The following SAMD12 variants were observed in gnomAD, a reference collection of about 807,000 sequenced individuals.
SAMD12 encodes the protein sterile alpha motif domain-containing protein 12.
Under a neutral mutation model 15.0 loss-of-function variants are expected in SAMD12, and 9 were observed. The observed-to-expected ratio is 0.60, with a 90% CI of 0.36 to 1.05. The LOEUF is 1.05. Among genes scored for constraint, SAMD12 ranks in the 50% least tolerant of loss-of-function variants. The pLI is 0.01. For synonymous variants in SAMD12, 86 were observed against 90.1 expected (o/e 0.96, Z 0.25); for missense variants, 230 against 234.2 (o/e 0.98, Z 0.12).
Position 118,189,946 on chromosome 8 carries a change from GAAAAAAAAAAAAA to G in SAMD12, c.*7751_*7763del, listed in dbSNP as rs895075538. 1.0e-4 allele frequency: 7 copies of G among 69,066 alleles called. No individual in the cohort carries two copies. The East Asian group carries it at 1.3e-3, about 13-fold the overall frequency. The allele number at this position is 69,066 out of a possible 1,614,324, so 4.3% of individuals were successfully genotyped here. A position where few individuals can be genotyped will look rare whatever the true frequency, so the allele number is the denominator to read the frequency against. On this transcript the variant is annotated 3_prime_UTR_variant, in exon 5 of 5. Transcript: ENST00000409003. ...GGGAGTTTTTCTAGGATGCACAGAG[GAAAAAAAAAAAAA>G]AAAAAAAAAAGAAAGAAAAACCCAA...
intron 4 of SAMD12, among the ~76,000 whole-genome samples, chr8:118,368,188 C>A (rs540859584): frequency 6.6e-6 from 1 of 152,000 alleles, no homozygotes; most frequent in Non-Finnish European, 1.5e-5. Flanking sequence ...TGAAATGTGT[C>A]GGGGGAAATC....
At chr8:118,575,701 G>A (rs1297837489) in intron 2 of SAMD12, among the ~76,000 whole-genome samples, 2 of 151,958 alleles carry the variant, frequency 1.3e-5, no homozygotes, top group Non-Finnish European at 2.9e-5. Flanking sequence ...ATTGTGGCAG[G>A]AAAAAACAAA....
chr8:118,151,356 T>G, the SAMD12 span, among the ~76,000 whole-genome samples: 3 of 152,216 alleles, frequency 2.0e-5, no homozygotes, highest in Non-Finnish European at 4.4e-5. Context: ...CATTACCTTT[T>G]CAAATGTTTT....
intron 3 of SAMD12, among the ~76,000 whole-genome samples, chr8:118,432,554 C>A (rs1185652841): frequency 2.0e-5 from 3 of 152,198 alleles, no homozygotes; most frequent in Admixed American, 2.0e-4. Flanking sequence ...CTTCAACATA[C>A]ACTTTCTTAT....
At chr8:118,219,798 G>C (rs547959454) in intron 4 of SAMD12, among the ~76,000 whole-genome samples, 1 of 152,318 alleles carries the variant, frequency 6.6e-6, no homozygotes, top group South Asian at 2.1e-4. Context: ...GACCAGTCCT[G>C]ACACCAGCTT....
chr8:118,389,164 T>C (rs2450210), intron 3 of SAMD12, among the ~76,000 whole-genome samples: 7,783 of 152,336 alleles, frequency 0.051, 307 homozygotes, highest in East Asian at 0.23. Flanking sequence ...AAGAATGATA[T>C]GAACCTATAG....
At chr8:118,426,566 T>C (rs1026689091) in intron 3 of SAMD12, among the ~76,000 whole-genome samples, 1 of 152,212 alleles carries the variant, frequency 6.6e-6, no homozygotes, top group Non-Finnish European at 1.5e-5. Flanking sequence ...GCTGCTCCCA[T>C]AGTAAGAATA....
chr8:118,542,105 T>C (rs553387523), intron 2 of SAMD12, among the ~76,000 whole-genome samples: 2 of 152,278 alleles, frequency 1.3e-5, no homozygotes, highest in African/African-American at 2.4e-5. Context: ...GGGCAGTCTA[T>C]TTTACTGCAT....
intron 3 of SAMD12, among the ~76,000 whole-genome samples, chr8:118,409,989 A>G (rs541257689): frequency 6.6e-6 from 1 of 152,062 alleles, no homozygotes; most frequent in East Asian, 2.0e-4. Context: ...AAGTACACGT[A>G]TATCTTTTTG....
At chr8:118,215,434 A>G (rs575024888) in intron 4 of SAMD12, among the ~76,000 whole-genome samples, 1 of 151,314 alleles carries the variant, frequency 6.6e-6, no homozygotes, top group Admixed American at 6.6e-5. Context: ...ATTTTATTAT[A>G]CATTGCAAGA....
At chr8:118,418,534 G>A (rs922515011) in intron 3 of SAMD12, among the ~76,000 whole-genome samples, 16 of 152,118 alleles carry the variant, frequency 1.1e-4, no homozygotes, top group African/African-American at 3.9e-4. Context: ...GTCTAACTCG[G>A]TGAAACCCCG....
At chr8:118,295,915 G>A (rs1450176473) in intron 4 of SAMD12, among the ~76,000 whole-genome samples, 1 of 152,102 alleles carries the variant, frequency 6.6e-6, no homozygotes, top group Admixed American at 6.6e-5. Flanking sequence ...AAAGCGCTGG[G>A]ATTACAGGCT....
downstream of SAMD12, among the ~76,000 whole-genome samples, chr8:118,187,600 A>G (rs17484618): frequency 0.024 from 3,728 of 152,290 alleles, 65 homozygotes; most frequent in Middle Eastern, 0.051. Context: ...CACAGACATC[A>G]CTGTCTTTGA....
At chr8:118,481,734 A>G (rs1330600077) in intron 2 of SAMD12, among the ~76,000 whole-genome samples, 11 of 137,344 alleles carry the variant, frequency 8.0e-5, no homozygotes, top group Non-Finnish European at 1.1e-4. Flanking sequence ...TGACTTACCT[A>G]AATGAAAAAA....
intron 2 of SAMD12, among the ~76,000 whole-genome samples, chr8:118,539,106 G>T (rs898723730): frequency 2.0e-5 from 3 of 152,132 alleles, no homozygotes; most frequent in African/African-American, 7.2e-5. Context: ...AGCACAAACG[G>T]CCTAAAAATG....
At chr8:118,218,964 T>C (rs1173995704) in intron 4 of SAMD12, among the ~76,000 whole-genome samples, 1 of 152,224 alleles carries the variant, frequency 6.6e-6, no homozygotes, top group Non-Finnish European at 1.5e-5. Flanking sequence ...TATAGTTCTC[T>C]GAAAAATTGG....
Position 118,398,174 on chromosome 8 carries a change from A to C in SAMD12, c.323-18474T>G, listed in dbSNP as rs576079140. On this transcript the variant is annotated intron_variant, in intron 3 of 3. Coordinates refer to ENST00000314727, the MANE Select transcript of SAMD12 (RefSeq NM_207506.3). ...ACCAGCACTTTGGGAGGCCGGGCAG[A>C]TCATTTGAGGTCAGCACTTCAAGAT... is the stretch of plus-strand genomic sequence containing the variant. 2.0e-5 allele frequency among the ~76,000 whole-genome samples: 3 copies of C among 152,162 alleles called. No homozygotes were observed. The South Asian group carries it at 6.2e-4, about 32-fold the overall frequency.
At chr8:118,327,519 G>C (rs1360381289) in intron 4 of SAMD12, among the ~76,000 whole-genome samples, 1 of 152,144 alleles carries the variant, frequency 6.6e-6, no homozygotes, top group Non-Finnish European at 1.5e-5. Context: ...CAGTCTCCCA[G>C]TATATGGAAG....
intron 2 of SAMD12, among the ~76,000 whole-genome samples, chr8:118,575,992 CT>C (rs567459009): frequency 0.018 from 2,625 of 147,146 alleles, 82 homozygotes; most frequent in African/African-American, 0.059. Flanking sequence ...AGTATTTCGA[CT>C]TTTTTTTTTT....
Sources: gnomAD v4.1 joint callset for allele counts (sites outside exome capture counted in the v4.1 genomes callset) on GRCh38, gnomAD v4.1.1 for gene constraint, MANE v1.5 for transcripts, NCBI Gene and HGNC (gene_info 2026-07-23, HGNC 2026-07-21) for gene names.